Variants in ICMT observed in about 807,000 individuals in gnomAD.
ICMT encodes isoprenylcysteine carboxyl methyltransferase, also known as protein-S-isoprenylcysteine O-methyltransferase.
Under a neutral mutation model 32.2 loss-of-function variants are expected in ICMT, and 10 were observed. The ratio of observed to expected loss-of-function variants is 0.31; its 90% CI spans 0.19 to 0.53. The LOEUF is 0.53. Ranked by LOEUF, ICMT falls within the 20% of genes least tolerant of loss-of-function variation. ICMT has a pLI of 0.96. For synonymous variants in ICMT, 183 were observed against 158.2 expected, an observed-to-expected ratio of 1.16 and a Z score of -1.18; for missense variants, 265 against 356.9, an observed-to-expected ratio of 0.74 and a Z score of 2.07.
rs573444919 is a variant in ICMT at position 6,230,398 on chromosome 1, C to T, written c.672+1504G>A. Among the ~76,000 whole-genome samples, 6 of 152,088 alleles carry T rather than the reference C, an allele frequency of 3.9e-5. No homozygotes were observed. In the South Asian group the frequency reaches 1.2e-3, roughly 32 times the overall value. ...TCAAAGTGCTGGGATTACAGGCAACCGTCCAGGAGAACCACCTCTACAAAA... is the reference window on the plus strand; with the variant it reads ...TCAAAGTGCTGGGATTACAGGCAACTGTCCAGGAGAACCACCTCTACAAAA... On this transcript the variant is annotated intron_variant, in intron 4 of 4. Coordinates refer to ENST00000343813, the MANE Select transcript of ICMT (RefSeq NM_012405.4).
chr1:6,235,110 C>T, intron 1 of ICMT, 136 bp from the exon 2 acceptor site: 1 of 658,690 alleles, frequency 1.5e-6, no homozygotes. Context: ...GAGAAGTGGG[C>T]GACCTGGGTT....
intron 4 of ICMT, among the ~76,000 whole-genome samples, chr1:6,229,267 T>C (rs920386797): frequency 6.6e-6 from 1 of 152,000 alleles, no homozygotes; most frequent in Non-Finnish European, 1.5e-5. Context: ...TCACCTGAGG[T>C]TGGGAGTTCG....
chr1:6,235,794 C>T lies in ICMT; in HGVS notation c.118G>A (p.Gly40Ser), dbSNP rs1433145686. The T allele has an allele frequency of 6.0e-6, 8 of 1,329,960 alleles. No individual in the cohort carries two copies. In the African/African-American group the frequency reaches 1.2e-4, roughly 21 times the overall value. The allele number at this position is 1,329,960 out of a possible 1,614,324, so 82.4% of individuals were successfully genotyped here. A position where few individuals can be genotyped will look rare whatever the true frequency, so the allele number is the denominator to read the frequency against. Residue 40 changes from glycine to serine, a missense_variant, in exon 1 of 5, where the codon GGC becomes AGC. Gly to Ser is a moderately conservative substitution (Grantham distance 56). Transcript: ENST00000343813. Reference protein sequence around the residue: ...LPLLTRAGLQGRTGLALYVAG... With the variant: ...LPLLTRAGLQSRTGLALYVAG... ...ACGTAGAGCGCCAGCCCGGTGCGGC[C>T]CTGCAGGCCGGCGCGCGTGAGCAGC...
intron 4 of ICMT, among the ~76,000 whole-genome samples, chr1:6,228,496 C>A (rs139152986): frequency 0.015 from 2,326 of 152,166 alleles, 70 homozygotes; most frequent in African/African-American, 0.054. Flanking sequence ...ATGCGTGCCA[C>A]CACACCAGGC....
rs759797381 is a variant in ICMT, at chr1:6,225,008, G to A, written c.*72C>T. On this transcript the variant is annotated 3_prime_UTR_variant, in exon 5 of 5. Transcript: ENST00000343813. Reference sequence around the variant, plus strand: ...CGATTAAGAAAATCCATGTGGCAGCGGCCAACCGGAAACAGTTTTGTCCCA... The same window carrying A: ...CGATTAAGAAAATCCATGTGGCAGCAGCCAACCGGAAACAGTTTTGTCCCA... 1.8e-5 allele frequency: 24 copies of A among 1,297,628 alleles called. No homozygotes were observed. The Admixed American group carries it at 2.0e-4, about 11-fold the overall frequency. 80.4% of individuals were successfully genotyped at this position (1,297,628 alleles called of 1,614,324 possible). A position where few individuals can be genotyped will look rare whatever the true frequency, so the allele number is the denominator to read the frequency against.
At position 6,235,936 on chromosome 1, in the gene ICMT, C is replaced by T; in HGVS notation, c.-25G>A. The T allele has an allele frequency of 2.9e-6, 3 of 1,025,618 alleles. No individual in the cohort carries two copies. Among genetic ancestry groups the T allele is most frequent in the Non-Finnish European group, 3.5e-6 (3 of 854,670 alleles). 63.5% of individuals were successfully genotyped at this position (1,025,618 alleles called of 1,614,324 possible). On this transcript the variant is annotated 5_prime_UTR_variant, in exon 1 of 5. Coordinates refer to ENST00000343813, the MANE Select transcript of ICMT (RefSeq NM_012405.4). Reference sequence around the variant, plus strand: ...TGGCGCCGGGCGGCGGACTAGCGGGCGGCGGCGCCGGCTGTAGCCCGGAGA... The same window carrying T: ...TGGCGCCGGGCGGCGGACTAGCGGGTGGCGGCGCCGGCTGTAGCCCGGAGA...
chr1:6,232,864 T>TC, intron 3 of ICMT, among the ~76,000 whole-genome samples: 1 of 148,816 alleles, frequency 6.7e-6, no homozygotes, highest in East Asian at 2.0e-4. Context: ...GTAAACTCTT[T>TC]TTTTTTTTTT....
Position 6,233,137 on chromosome 1 carries a change from C to T in ICMT, c.454+337G>A, listed in dbSNP as rs560256905. Among the ~76,000 whole-genome samples the T allele has an allele frequency of 2.6e-5, 4 of 152,308 alleles. No homozygotes were observed. In the East Asian group the frequency reaches 7.7e-4, roughly 29 times the overall value. ...CCAAAGTGCTGGGATTACAGGCGTTCGCCACCGTGCCCGGCCAGTAAACTC... is the reference window on the plus strand; with the variant it reads ...CCAAAGTGCTGGGATTACAGGCGTTTGCCACCGTGCCCGGCCAGTAAACTC... On this transcript the variant is annotated intron_variant, in intron 3 of 4. Transcript: ENST00000343813.
rs1039118206 is a variant in ICMT at position 6,223,619 on chromosome 1, G to A, written c.*1461C>T. 1 of 152,166 alleles carries A rather than the reference G, an allele frequency of 6.6e-6. No individual in the cohort carries two copies. The highest frequency in any genetic ancestry group is 1.5e-5 in the Non-Finnish European group (1 of 68,040). The allele number at this position is 152,166 out of a possible 1,614,324, so 9.4% of individuals were successfully genotyped here. The stretch of plus-strand genomic sequence containing the variant: ...TTCATACAGTACAGATTTCATTGAT[G>A]TCGCTCCCACATCTGAGTATTAAAA... On this transcript the variant is annotated 3_prime_UTR_variant, in exon 5 of 5. Transcript: ENST00000343813.
Position 6,221,443 on chromosome 1 carries a change from CAG to C in ICMT, c.*3635_*3636del, listed in dbSNP as rs1270907351. 2.0e-5 allele frequency: 3 copies of C among 152,638 alleles called. No individual in the cohort carries two copies. Among genetic ancestry groups the C allele is most frequent in the Non-Finnish European group, 4.4e-5 (3 of 68,048 alleles). The allele number at this position is 152,638 out of a possible 1,614,324, so 9.5% of individuals were successfully genotyped here. ...AGAGAGTAGGCACTTCCCAGCATGA[CAG>C]AGAGGCCGAGGCCTTCTAACCTTGC... On this transcript the variant is annotated 3_prime_UTR_variant, in exon 5 of 5. Transcript: ENST00000343813.
intron 3 of ICMT, 89 bp from the exon 4 acceptor site, chr1:6,232,208 C>A: frequency 1.1e-6 from 1 of 918,468 alleles, no homozygotes; most frequent in African/African-American, 1.7e-5. Context: ...CCTATTTTCC[C>A]GAAGACAGAA....
chr1:6,225,771 C>T (rs1009012820), intron 4 of ICMT, among the ~76,000 whole-genome samples: 17 of 150,814 alleles, frequency 1.1e-4, no homozygotes, highest in South Asian at 2.1e-4. Flanking sequence ...GACTGAACCC[C>T]ACCCCCTGAG....
chr1:6,228,857 A>G (rs1197474074), intron 4 of ICMT, among the ~76,000 whole-genome samples: 1 of 150,972 alleles, frequency 6.6e-6, no homozygotes, highest in Admixed American at 6.6e-5. Context: ...TGAAACCCCT[A>G]CTAAACCTAC....
In ICMT at chr1:6,229,012, G is replaced by A. The variant is rs150561370; in HGVS notation, c.672+2890C>T. On this transcript the variant is annotated intron_variant, in intron 4 of 4. Transcript: ENST00000343813. ...CGCACCACTGCACTCCAGCCTGGGCGACAAAGTGAGACTCTGTCTCAAAAA... is the reference window on the plus strand; with the variant it reads ...CGCACCACTGCACTCCAGCCTGGGCAACAAAGTGAGACTCTGTCTCAAAAA... Among the ~76,000 whole-genome samples, 819 of 138,870 alleles carry A rather than the reference G, an allele frequency of 5.9e-3. 9 individuals are homozygous for A. The highest frequency in any genetic ancestry group is 0.021 in the African/African-American group (785 of 36,966). 91.1% of individuals were successfully genotyped at this position (138,870 alleles called of 152,430 possible). A position where few individuals can be genotyped will look rare whatever the true frequency, so the allele number is the denominator to read the frequency against.
chr1:6,235,951 T>TAGCCCTGAGAAACGCGCCGGCTGC lies in ICMT; in HGVS notation c.-41_-40insGCAGCCGGCGCGTTTCTCAGGGCT. On this transcript the variant is annotated 5_prime_UTR_variant, in exon 1 of 5. Transcript: ENST00000343813. ...GACTAGCGGGCGGCGGCGCCGGCTG[T>TAGCCCTGAGAAACGCGCCGGCTGC]AGCCCGGAGAAACGCGCCGGCTGCG... The TAGCCCTGAGAAACGCGCCGGCTGC allele has an allele frequency of 9.7e-7, 1 of 1,026,546 alleles. No homozygotes were observed. Among genetic ancestry groups the TAGCCCTGAGAAACGCGCCGGCTGC allele is most frequent in the Non-Finnish European group, 1.2e-6 (1 of 842,388 alleles). The allele number at this position is 1,026,546 out of a possible 1,614,324, so 63.6% of individuals were successfully genotyped here. A position where few individuals can be genotyped will look rare whatever the true frequency, so the allele number is the denominator to read the frequency against.
At position 6,235,947 on chromosome 1, in the gene ICMT, G is replaced by T. The variant is rs1427252317; in HGVS notation, c.-36C>A. On this transcript the variant is annotated 5_prime_UTR_variant, in exon 1 of 5. Coordinates refer to ENST00000343813, the MANE Select transcript of ICMT (RefSeq NM_012405.4). ...GGCGGACTAGCGGGCGGCGGCGCCG[G>T]CTGTAGCCCGGAGAAACGCGCCGGC... 6.6e-6 allele frequency: 7 copies of T among 1,066,684 alleles called. No individual in the cohort carries two copies. The highest frequency in any genetic ancestry group is 5.7e-6 in the Non-Finnish European group (5 of 875,882). 66.1% of individuals were successfully genotyped at this position (1,066,684 alleles called of 1,614,324 possible).
At chr1:6,228,464 T>C (rs56159091) in intron 4 of ICMT, among the ~76,000 whole-genome samples, 1 of 151,948 alleles carries the variant, frequency 6.6e-6, no homozygotes, top group Non-Finnish European at 1.5e-5. Context: ...TGCCTCAGCC[T>C]CCCAAGTAGC....
intron 3 of ICMT, 149 bp from the exon 4 acceptor site, chr1:6,232,268 T>C (rs1215050119): frequency 9.8e-6 from 6 of 609,476 alleles, no homozygotes; most frequent in Non-Finnish European, 1.7e-5. Flanking sequence ...CATTAAAATT[T>C]CATAAGAAAA....
In ICMT at chr1:6,231,984, T is replaced by C; in HGVS notation, c.590A>G (p.His197Arg). 1.2e-6 allele frequency: 2 copies of C among 1,614,086 alleles called. No homozygotes were observed. Among genetic ancestry groups the C allele is most frequent in the Non-Finnish European group, 1.7e-6 (2 of 1,179,996 alleles). Reference protein sequence around the residue: ...HVVQNEKSDTHTLVTSGVYAW... With the variant: ...HVVQNEKSDTRTLVTSGVYAW... ...GTACACTCCACTGGTCACCAGAGTA[T>C]GTGTATCTGATTTTTCATTCTGTAC... Residue 197 changes from histidine to arginine, a missense_variant, in exon 4 of 5, where the codon CAT (histidine) becomes CGT (arginine). His to Arg is a conservative substitution (Grantham distance 29). Around this residue, in one of 2 missense-constraint regions of ICMT, gnomAD observed 166 missense variants for 264.3 expected, o/e 0.63. Coordinates refer to ENST00000343813, the MANE Select transcript of ICMT (RefSeq NM_012405.4).
Sources: gnomAD v4.1 joint callset for allele counts (sites outside exome capture counted in the v4.1 genomes callset) on GRCh38, gnomAD v4.1.1 for gene constraint, gnomAD v4.1.1 regional missense constraint, MANE v1.5 for transcripts, NCBI Gene and HGNC (gene_info 2026-07-23, HGNC 2026-07-21) for gene names.